The following CAND2 variants were observed in gnomAD, a reference collection of about 807,000 sequenced individuals.
CAND2 encodes the protein cullin-associated NEDD8-dissociated protein 2.
CAND2 carries 62 observed loss-of-function variants against 98.9 expected under a neutral mutation model. That is an observed-to-expected ratio of 0.63 (90% confidence interval 0.51 to 0.77). The LOEUF is 0.77. Among genes scored for constraint, CAND2 ranks in the 30% least tolerant of loss-of-function variants. The pLI, the probability that CAND2 is intolerant of heterozygous loss-of-function variation, is 0.00. For missense variants in CAND2, 1,501 were observed against 1,655.2 expected, an observed-to-expected ratio of 0.91 and a Z score of 1.62; for synonymous variants, 770 against 731.9, an observed-to-expected ratio of 1.05 and a Z score of -0.84.
In CAND2 at chr3:12,819,971, G is replaced by C. The variant is rs80093501; in HGVS notation, c.2945-115G>C. 9.2e-6 allele frequency: 7 copies of C among 756,820 alleles called. No individual in the cohort carries two copies. In the African/African-American group the frequency reaches 1.0e-4, roughly 11 times the overall value. 46.9% of individuals were successfully genotyped at this position (756,820 alleles called of 1,614,324 possible). ...AATCCACTTTCCCAGAGATGGGGAG[G>C]GGGTACAGTTCTGTTTTCCAGGGAA... On this transcript the variant is annotated intron_variant, in intron 10 of 14. Transcript: ENST00000456430.
chr3:12,816,604 C>T lies in CAND2; in HGVS notation c.1672C>T (p.Pro558Ser), dbSNP rs2061905139. The T allele has an allele frequency of 6.2e-7, 1 of 1,613,796 alleles. No homozygotes were observed. Among genetic ancestry groups the T allele is most frequent in the African/African-American group, 1.3e-5 (1 of 74,936 alleles). ...LVRALWPLHR[P>S]RMLDPEPYVG... ...GCGGGCCCTGTGGCCGCTGCACAGG[C>T]CTCGGATGCTGGATCCTGAGCCATA... The change falls in exon 10 of 15, where the codon CCT becomes TCT. Residue 558 changes from proline to serine, a missense_variant. By Grantham distance (74) the Pro-to-Ser change is moderately conservative. Around this residue, in one of 3 missense-constraint regions of CAND2, gnomAD observed 1,427 missense variants for 1,545.3 expected, o/e 0.92. Transcript: ENST00000456430.
rs141789513 is a variant in CAND2 at position 12,807,629 on chromosome 3, G to A, written c.367+169G>A. On this transcript the variant is annotated intron_variant, in intron 3 of 14. Transcript: ENST00000456430. ...AGAATTCAGGCCCAGCTCAGTTTAA[G>A]TTCATGGTTCTGTGTCAGGAATGCT... Among the ~76,000 whole-genome samples the A allele has an allele frequency of 6.1e-3, 928 of 152,292 alleles. 8 individuals are homozygous for A. Among genetic ancestry groups the A allele is most frequent in the African/African-American group, 0.021 (878 of 41,574 alleles).
chr3:12,822,618 T>C (rs189584719), intron 11 of CAND2, among the ~76,000 whole-genome samples: 3 of 152,240 alleles, frequency 2.0e-5, no homozygotes, highest in African/African-American at 7.2e-5. Flanking sequence ...CTCTTAAGTG[T>C]ATCCTTGCTT....
intron 13 of CAND2, among the ~76,000 whole-genome samples, chr3:12,831,149 C>T (rs2124876059): frequency 6.6e-6 from 1 of 152,294 alleles, no homozygotes; most frequent in Admixed American, 6.5e-5. Context: ...CACCTGGCCA[C>T]ACTCAGCCAG....
At position 12,832,469 on chromosome 3, in the gene CAND2, CA is replaced by C. The variant is rs1189255963; in HGVS notation, c.3483+899del. On this transcript the variant is annotated intron_variant, in intron 14 of 14. Coordinates refer to ENST00000456430, the MANE Select transcript of CAND2 (RefSeq NM_001162499.2). ...CATTCTTGCAGTAAAGCCGAGGTGG[CA>C]AGAGAAGCTCTGCCCTGAGTTTCCA... The C allele has an allele frequency of 9.2e-5, 14 of 152,260 alleles. 1 individual carries two copies. Among genetic ancestry groups the C allele is most frequent in the Admixed American group, 9.2e-4 (14 of 15,294 alleles). The allele number at this position is 152,260 out of a possible 1,614,324, so 9.4% of individuals were successfully genotyped here.
intron 1 of CAND2, among the ~76,000 whole-genome samples, chr3:12,798,950 G>T (rs918435047): frequency 1.3e-5 from 1 of 79,802 alleles, no homozygotes. Flanking sequence ...GGTCCCAGGT[G>T]GGGTGGAGGG....
chr3:12,820,414 G>A (rs182778294), intron 11 of CAND2, among the ~76,000 whole-genome samples: 47 of 152,262 alleles, frequency 3.1e-4, no homozygotes, highest in East Asian at 9.7e-4. Flanking sequence ...TCTAAGCCTC[G>A]CTTTCCTCAT....
At chr3:12,820,238 G>A (rs766833111) in intron 11 of CAND2, 57 bp downstream of exon 11, 6 of 1,354,890 alleles carry the variant, frequency 4.4e-6, no homozygotes, top group South Asian at 3.7e-5. Flanking sequence ...CAGTCCTTGA[G>A]CTTGGGCTGA....
intron 9 of CAND2, among the ~76,000 whole-genome samples, 159 bp from the exon 10 acceptor site, chr3:12,816,215 C>T (rs1253766630): frequency 6.6e-6 from 1 of 152,144 alleles, no homozygotes; most frequent in African/African-American, 2.4e-5. Flanking sequence ...TTCCCTCAGC[C>T]CTGGCCACTG....
rs1453749537 is a variant in CAND2 at position 12,812,970 on chromosome 3, T to C, written c.758-20T>C. ...GGGAGAGTGTCTGGCTTGGGTTCAG[T>C]GATCCACCTGGCCCTGCAGGGGCTC... On this transcript the variant is annotated intron_variant, in intron 5 of 14. Coordinates refer to ENST00000456430, the MANE Select transcript of CAND2 (RefSeq NM_001162499.2). 4.0e-6 allele frequency: 6 copies of C among 1,505,392 alleles called. No homozygotes were observed. The Admixed American group carries it at 7.8e-5, about 20-fold the overall frequency. 93.3% of individuals were successfully genotyped at this position (1,505,392 alleles called of 1,614,324 possible). A position where few individuals can be genotyped will look rare whatever the true frequency, so the allele number is the denominator to read the frequency against.
At chr3:12,798,169 G>A (rs1164469807) in intron 1 of CAND2, among the ~76,000 whole-genome samples, 4 of 152,108 alleles carry the variant, frequency 2.6e-5, no homozygotes, top group Non-Finnish European at 5.9e-5. Context: ...GCACTAGGTC[G>A]GTGCTTCATA....
intron 11 of CAND2, among the ~76,000 whole-genome samples, chr3:12,821,170 G>C (rs1181235402): frequency 1.3e-5 from 2 of 151,586 alleles, no homozygotes; most frequent in Non-Finnish European, 2.9e-5. Context: ...GGAGGTGAAG[G>C]TTGCAGTGAG....
At chr3:12,807,191 T>C (rs374113861) in intron 2 of CAND2, 115 bp from the exon 3 acceptor site, 27 of 931,684 alleles carry the variant, frequency 2.9e-5, no homozygotes, top group African/African-American at 2.2e-4. Context: ...CCCCTGATGA[T>C]CTGAGGCCTT....
Position 12,833,865 on chromosome 3 carries a change from C to T in CAND2, c.3594C>T (p.Pro1198=). The T allele has an allele frequency of 6.2e-7, 1 of 1,614,202 alleles. No homozygotes were observed. Among genetic ancestry groups the T allele is most frequent in the Non-Finnish European group, 8.5e-7 (1 of 1,180,022 alleles). Residue 1198 remains proline, a synonymous_variant, in exon 15 of 15, where the codon CCC becomes CCT. Transcript: ENST00000456430. The part of the protein sequence containing the change: ...LLTIPEVGKS[P]IMADFSSQIR... ...CCATCCCCGAGGTGGGGAAAAGCCCCATCATGGCCGACTTCTCTTCCCAAA... is the reference window on the plus strand; with the variant it reads ...CCATCCCCGAGGTGGGGAAAAGCCCTATCATGGCCGACTTCTCTTCCCAAA...
Position 12,817,231 on chromosome 3 carries a change from A to G in CAND2, c.2299A>G (p.Thr767Ala), listed in dbSNP as rs2061914791. The change falls in exon 10 of 15, where the codon ACC becomes GCC. Residue 767 changes from threonine to alanine, a missense_variant. By Grantham distance (58) the Thr-to-Ala change is moderately conservative (BLOSUM62 0). Transcript: ENST00000456430. ...AGGCTTCCTGCAGGCCCTGGTAGGG[A>G]CCCGTCCCCCGTGTGTGGACTATGC... ...AEGFLQALVG[T>A]RPPCVDYAKL... The G allele has an allele frequency of 1.2e-6, 2 of 1,613,722 alleles. No homozygotes were observed. Among genetic ancestry groups the G allele is most frequent in the East Asian group, 2.2e-5 (1 of 44,874 alleles).
chr3:12,831,591 C>A lies in CAND2; in HGVS notation c.3483+19C>A. On this transcript the variant is annotated intron_variant, in intron 14 of 14. Transcript: ENST00000456430. ...TGCCAAGGTAAGTCCCTGGCCCAGC[C>A]CTAGCCCAGGCCCTGGAGCACCTAT... 1 of 1,572,704 alleles carries A rather than the reference C, an allele frequency of 6.4e-7. No individual in the cohort carries two copies. The highest frequency in any genetic ancestry group is 8.7e-7 in the Non-Finnish European group (1 of 1,150,172).
At chr3:12,823,504 G>A (rs6777146) in intron 11 of CAND2, among the ~76,000 whole-genome samples, 80,477 of 151,696 alleles carry the variant, frequency 0.53, 21,842 homozygotes, top group Non-Finnish European at 0.58. Context: ...CGAGGCGGGC[G>A]GATCACAAGG....
At chr3:12,811,497 G>T (rs903952611) in intron 5 of CAND2, among the ~76,000 whole-genome samples, 2 of 152,302 alleles carry the variant, frequency 1.3e-5, no homozygotes, top group East Asian at 1.9e-4. Flanking sequence ...AGGAAATTAG[G>T]CCAGGACATG....
chr3:12,808,133 G>A lies in CAND2; in HGVS notation c.368-77G>A, dbSNP rs2061821568. On this transcript the variant is annotated intron_variant, in intron 3 of 14. Coordinates refer to ENST00000456430, the MANE Select transcript of CAND2 (RefSeq NM_001162499.2). ...ATGTGGGCTCAGGAACACAGCCAGAGCAGAGGCAGACTAGTGGTGGAGGCT... is the reference window on the plus strand; with the variant it reads ...ATGTGGGCTCAGGAACACAGCCAGAACAGAGGCAGACTAGTGGTGGAGGCT... 7 of 1,521,002 alleles carry A rather than the reference G, an allele frequency of 4.6e-6. No homozygotes were observed. In the Admixed American group the frequency reaches 9.9e-5, roughly 21 times the overall value. The allele number at this position is 1,521,002 out of a possible 1,614,324, so 94.2% of individuals were successfully genotyped here.
Sources: gnomAD v4.1 joint callset for allele counts (sites outside exome capture counted in the v4.1 genomes callset) on GRCh38, gnomAD v4.1.1 for gene constraint, gnomAD v4.1.1 regional missense constraint, MANE v1.5 for transcripts, NCBI Gene and HGNC (gene_info 2026-07-23, HGNC 2026-07-21) for gene names.